The following ADGRB1 variants were observed in gnomAD, a reference collection of about 807,000 sequenced individuals.
ADGRB1 encodes adhesion G protein-coupled receptor B1.
A neutral mutation model predicts 175.7 loss-of-function variants in ADGRB1; 36 were observed. The ratio of observed to expected loss-of-function variants is 0.20; its 90% CI spans 0.16 to 0.27. The LOEUF (loss-of-function observed/expected upper bound fraction) is 0.27. Ranked by LOEUF, ADGRB1 falls within the 10% of genes least tolerant of loss-of-function variation. ADGRB1 has a pLI of 1.00. For missense variants in ADGRB1, 1,731 were observed against 2,255.3 expected (o/e 0.77, Z 4.71); for synonymous variants, 1,054 against 979.4 (o/e 1.08, Z -1.42).
At chr8:142,523,136 G>A (rs1045213812) in intron 22 of ADGRB1, among the ~76,000 whole-genome samples, 2 of 152,218 alleles carry the variant, frequency 1.3e-5, no homozygotes, top group Admixed American at 6.5e-5. Context: ...GCAGGGGTCG[G>A]AGGCTTATTT....
At position 142,537,091 on chromosome 8, in the gene ADGRB1, C is replaced by T. The variant is rs927961808; in HGVS notation, c.3666+9C>T. The T allele has an allele frequency of 4.7e-6, 7 of 1,502,838 alleles. No individual in the cohort carries two copies. Among genetic ancestry groups the T allele is most frequent in the Non-Finnish European group, 6.2e-6 (7 of 1,123,244 alleles). 93.1% of individuals were successfully genotyped at this position (1,502,838 alleles called of 1,614,324 possible). The stretch of plus-strand genomic sequence containing the variant: ...GCCACGCCCAGCTCATGGTAGGACT[C>T]AGGGCCCGGGGACTCAGGCTGCCCT... On this transcript the variant is annotated intron_variant, in intron 26 of 30. Transcript: ENST00000517894. The surrounding 1 kb of genome is among the most constrained non-coding windows in gnomAD (Gnocchi z 4.6).
In ADGRB1 at chr8:142,542,426, C is replaced by T. The variant is rs1054967825; in HGVS notation, c.4192C>T (p.Pro1398Ser). 15 of 1,525,416 alleles carry T rather than the reference C, an allele frequency of 9.8e-6. No individual in the cohort carries two copies. In the African/African-American group the frequency reaches 1.1e-4, roughly 11 times the overall value. 94.5% of individuals were successfully genotyped at this position (1,525,416 alleles called of 1,614,324 possible). The change falls in exon 28 of 31, where the codon CCC becomes TCC. Residue 1398 changes from proline to serine, a missense_variant. Pro to Ser is a moderately conservative substitution (Grantham distance 74, BLOSUM62 -1). Transcript: ENST00000517894. The surrounding 1 kb of genome is among the most constrained non-coding windows in gnomAD (Gnocchi z 6.3). ...LPARSPPSRQ[P>S]PSGGPPEAPP... The stretch of plus-strand genomic sequence containing the variant: ...CGCCCGCAGCCCGCCCTCCCGCCAG[C>T]CCCCCAGCGGCGGGCCCCCCGAGGC...
chr8:142,500,963 C>T (rs538249708), intron 17 of ADGRB1, among the ~76,000 whole-genome samples: 4 of 151,960 alleles, frequency 2.6e-5, no homozygotes, highest in African/African-American at 9.7e-5. Context: ...TGGTGGTGGC[C>T]GTCCCTCCTG....
intron 17 of ADGRB1, among the ~76,000 whole-genome samples, chr8:142,503,824 AG>A (rs1179950193): frequency 1.3e-5 from 2 of 152,172 alleles, no homozygotes; most frequent in Non-Finnish European, 2.9e-5. Flanking sequence ...TTTCCAGCCC[AG>A]GGGTATCCCA....
chr8:142,450,419 A>C (rs955287726), intron 1 of ADGRB1, among the ~76,000 whole-genome samples: 2 of 152,034 alleles, frequency 1.3e-5, no homozygotes, highest in Non-Finnish European at 2.9e-5. Context: ...TCCACACACC[A>C]CAGCCTGGCA....
At chr8:142,541,540 C>T (rs538767180) in intron 27 of ADGRB1, among the ~76,000 whole-genome samples, 11 of 152,312 alleles carry the variant, frequency 7.2e-5, no homozygotes, top group South Asian at 6.2e-4. Flanking sequence ...CCGTGGGCGT[C>T]GGGAGCGTTG....
At chr8:142,457,639 G>A (rs576560619) in intron 1 of ADGRB1, among the ~76,000 whole-genome samples, 2 of 152,286 alleles carry the variant, frequency 1.3e-5, no homozygotes, top group South Asian at 2.1e-4. Context: ...GGCTCTCTAC[G>A]GGCAGGCCTA....
intron 11 of ADGRB1, among the ~76,000 whole-genome samples, chr8:142,483,344 A>ACG (rs1554609836): frequency 1.2e-5 from 1 of 86,090 alleles, no homozygotes. Flanking sequence ...CCCTGGTCAC[A>ACG]CTGAGCCCTG....
At chr8:142,501,668 G>A (rs1262239036) in intron 17 of ADGRB1, among the ~76,000 whole-genome samples, 6 of 137,458 alleles carry the variant, frequency 4.4e-5, no homozygotes, top group Middle Eastern at 4.1e-3. Flanking sequence ...TGGTGGTAGT[G>A]ATGTTTGTGT....
In ADGRB1 at chr8:142,451,224, G is replaced by A. The variant is rs968924777; in HGVS notation, c.-220+1120G>A. 3.9e-5 allele frequency among the ~76,000 whole-genome samples: 6 copies of A among 152,310 alleles called. No homozygotes were observed. In the East Asian group the frequency reaches 9.7e-4, roughly 25 times the overall value. On this transcript the variant is annotated intron_variant, in intron 1 of 30. Transcript: ENST00000517894. ...AGGGCTTGACGGAGGCTGCGGCTCCGAGCCCGCGTCCCTCCTCCTGGCCGC... is the reference window on the plus strand; with the variant it reads ...AGGGCTTGACGGAGGCTGCGGCTCCAAGCCCGCGTCCCTCCTCCTGGCCGC...
chr8:142,497,621 G>A (rs938402532), intron 17 of ADGRB1, among the ~76,000 whole-genome samples: 2 of 152,196 alleles, frequency 1.3e-5, no homozygotes, highest in African/African-American at 4.8e-5. Context: ...AGCTTGGGTG[G>A]GGCCTCGGGG....
chr8:142,520,059 T>C, intron 19 of ADGRB1, among the ~76,000 whole-genome samples: 1 of 148,900 alleles, frequency 6.7e-6, no homozygotes. Context: ...GTGATGGTGG[T>C]GATAGTGGTG....
chr8:142,533,696 C>G (rs1587432983), intron 25 of ADGRB1, among the ~76,000 whole-genome samples: 1 of 152,188 alleles, frequency 6.6e-6, no homozygotes, highest in South Asian at 2.1e-4. Flanking sequence ...CCCAAGGATG[C>G]CCTGCGCCCG....
chr8:142,520,907 G>T lies in ADGRB1; in HGVS notation c.3006G>T (p.Gln1002His). ...ISSNALILIGQTQTRNKVVCT... is the reference protein window; with the variant it reads ...ISSNALILIGHTQTRNKVVCT... ...CCAATGCCCTCATCCTCATCGGGCAGACCCAGACCCGCAACAAGGTAGGCA... is the reference window on the plus strand; with the variant it reads ...CCAATGCCCTCATCCTCATCGGGCATACCCAGACCCGCAACAAGGTAGGCA... Residue 1002 changes from glutamine (Q) to histidine (H), a missense_variant, in exon 20 of 31, where the codon CAG (glutamine) becomes CAT (histidine). Coordinates refer to ENST00000517894, the MANE Select transcript of ADGRB1 (RefSeq NM_001702.3). 1.2e-6 allele frequency: 2 copies of T among 1,613,400 alleles called. No homozygotes were observed. The highest frequency in any genetic ancestry group is 1.1e-5 in the South Asian group (1 of 91,074).
chr8:142,528,831 T>C (rs184898472), intron 24 of ADGRB1, among the ~76,000 whole-genome samples: 45 of 152,368 alleles, frequency 3.0e-4, no homozygotes, highest in African/African-American at 1.1e-3. Flanking sequence ...CCCACAGGCC[T>C]GCTCTAGGCC....
chr8:142,484,585 G>T, intron 12 of ADGRB1, 71 bp from the exon 13 acceptor site: 1 of 1,413,026 alleles, frequency 7.1e-7, no homozygotes, highest in Non-Finnish European at 9.6e-7. Context: ...GAGGGACAGG[G>T]AAGGGAAGGA....
At chr8:142,531,846 T>G (rs1332023273) in intron 24 of ADGRB1, among the ~76,000 whole-genome samples, 2 of 152,114 alleles carry the variant, frequency 1.3e-5, no homozygotes, top group Non-Finnish European at 2.9e-5. Flanking sequence ...GAGGCAGGCA[T>G]GGCTGGCTGT....
chr8:142,450,844 C>T (rs565693039), intron 1 of ADGRB1, among the ~76,000 whole-genome samples: 3 of 152,324 alleles, frequency 2.0e-5, no homozygotes, highest in East Asian at 3.9e-4. Context: ...CCTTGTCTAC[C>T]TTTCCACTGG....
rs979729461 is a variant in ADGRB1, at chr8:142,493,251, A to G, written c.2675+2436A>G. Reference sequence around the variant, plus strand: ...ACAAGGACACTGCCCCAGGGACCCAACTGTGGCCGAAGAGGACATGCTGCG... The same window carrying G: ...ACAAGGACACTGCCCCAGGGACCCAGCTGTGGCCGAAGAGGACATGCTGCG... On this transcript the variant is annotated intron_variant, in intron 17 of 30. Transcript: ENST00000517894. This position sits in a 1 kb window ranked among gnomAD's most constrained non-coding sequence, Gnocchi z 5.0. 6.6e-6 allele frequency among the ~76,000 whole-genome samples: 1 copy of G among 151,978 alleles called. No individual in the cohort carries two copies. The highest frequency in any genetic ancestry group is 2.4e-5 in the African/African-American group (1 of 41,396).
Sources: allele counts gnomAD v4.1 joint callset (sites outside exome capture counted in the v4.1 genomes callset), GRCh38; gene constraint gnomAD v4.1.1; non-coding constraint Gnocchi (gnomAD v3.1); transcripts MANE v1.5; gene names NCBI Gene and HGNC (gene_info 2026-07-23, HGNC 2026-07-21).